The following SGCD variants were observed in gnomAD, a reference collection of about 807,000 sequenced individuals.
SGCD encodes the protein sarcoglycan delta.
A neutral mutation model predicts 36.6 loss-of-function variants in SGCD; 18 were observed. The observed-to-expected ratio is 0.49, with a 90% CI of 0.34 to 0.73. The LOEUF (loss-of-function observed/expected upper bound fraction) is 0.73, where lower values mean the gene tolerates loss of function less well. Among genes scored for constraint, SGCD ranks in the 30% least tolerant of loss-of-function variants. The pLI, the probability that SGCD is intolerant of heterozygous loss-of-function variation, is 0.01. For synonymous variants in SGCD, 133 were observed against 130.6 expected (o/e 1.02, Z -0.12); for missense variants, 387 against 346.7 (o/e 1.12, Z -0.92).
At chr5:155,923,279 G>A (rs1756927089) in intron 1 of SGCD, among the ~76,000 whole-genome samples, 2 of 152,084 alleles carry the variant, frequency 1.3e-5, no homozygotes, top group South Asian at 4.2e-4. Flanking sequence ...CATATATTGG[G>A]GGTATATGCT....
At chr5:156,342,303 A>G (rs1184285888) in intron 2 of SGCD, among the ~76,000 whole-genome samples, 6 of 152,222 alleles carry the variant, frequency 3.9e-5, no homozygotes. Flanking sequence ...TTATTTGTAA[A>G]GAATTTCTCA....
At chr5:155,802,890 T>A in the SGCD span, among the ~76,000 whole-genome samples, 1 of 152,188 alleles carries the variant, frequency 6.6e-6, no homozygotes. Flanking sequence ...ATCTGAGGAA[T>A]CAGTCTCCTT....
chr5:156,493,866 A>G (rs1288753544), intron 3 of SGCD, among the ~76,000 whole-genome samples: 5 of 152,076 alleles, frequency 3.3e-5, no homozygotes, highest in Admixed American at 3.3e-4. Context: ...GGAAATGTCT[A>G]AGACAAATTT....
intron 1 of SGCD, among the ~76,000 whole-genome samples, chr5:155,908,131 A>G (rs1440282203): frequency 1.3e-5 from 2 of 152,300 alleles, no homozygotes; most frequent in East Asian, 3.9e-4. Flanking sequence ...TTTTTAATTA[A>G]CATGTACATA....
rs188752051 is a variant in SGCD at position 156,687,751 on chromosome 5, C to A, written c.575+40215C>A. On this transcript the variant is annotated intron_variant, in intron 7 of 8. Coordinates refer to ENST00000337851, the MANE Select transcript of SGCD (RefSeq NM_000337.6). The stretch of plus-strand genomic sequence containing the variant: ...TATGAACCCAATGCTGGTTGCAGCA[C>A]AAGAAAAACATGCCATTTACTTAGT... Among the ~76,000 whole-genome samples the A allele has an allele frequency of 7.2e-4, 110 of 152,298 alleles. 3 individuals are homozygous for A. The East Asian group carries it at 0.019, about 26-fold the overall frequency.
At chr5:155,973,103 A>C (rs1165394490) in intron 1 of SGCD, among the ~76,000 whole-genome samples, 1 of 152,164 alleles carries the variant, frequency 6.6e-6, no homozygotes, top group African/African-American at 2.4e-5. Context: ...CAAGGCAAAG[A>C]ATGTCCGAAA....
chr5:156,662,866 C>T (rs368184437), intron 7 of SGCD, among the ~76,000 whole-genome samples: 3,590 of 106,254 alleles, frequency 0.034, no homozygotes, highest in Middle Eastern at 0.069. Flanking sequence ...AAATGTAAAG[C>T]CTCCAGTTTT....
intron 3 of SGCD, among the ~76,000 whole-genome samples, chr5:156,238,606 G>A (rs558451550): frequency 2.8e-4 from 42 of 152,274 alleles, no homozygotes; most frequent in Middle Eastern, 6.8e-3. Flanking sequence ...ATTTTTAATT[G>A]AATTTTAATC....
chr5:156,539,857 G>T (rs1197651743), intron 4 of SGCD, among the ~76,000 whole-genome samples: 3 of 152,134 alleles, frequency 2.0e-5, no homozygotes, highest in Non-Finnish European at 2.9e-5. Context: ...AACAGGATAT[G>T]TTGGAAAAAC....
At position 156,160,633 on chromosome 5, in the gene SGCD, A is replaced by G. The variant is rs746020427; in HGVS notation, c.-44+36614A>G. 1.1e-4 allele frequency among the ~76,000 whole-genome samples: 16 copies of G among 151,738 alleles called. 1 individual carries two copies. The highest frequency in any genetic ancestry group is 2.1e-4 in the Non-Finnish European group (14 of 68,016). ...ATTTTGAGGAAGAAATTGCACATAT[A>G]TTCTTGATTTCAATATTTAGCCCTC... On this transcript the variant is annotated intron_variant, in intron 3 of 9. Transcript: ENST00000517913.
At chr5:156,358,023 C>G (rs1561642788) in intron 3 of SGCD, among the ~76,000 whole-genome samples, 1 of 152,176 alleles carries the variant, frequency 6.6e-6, no homozygotes, top group Non-Finnish European at 1.5e-5. Context: ...AGCTAATCAT[C>G]CAGTTTGGAT....
chr5:155,735,855 A>C, the SGCD span, among the ~76,000 whole-genome samples: 6 of 152,164 alleles, frequency 3.9e-5, no homozygotes, highest in African/African-American at 7.2e-5. Flanking sequence ...CAAACAAGAA[A>C]ATGTGTCTGG....
chr5:156,211,607 CAA>C (rs75891963), intron 3 of SGCD, among the ~76,000 whole-genome samples: 15 of 57,386 alleles, frequency 2.6e-4, no homozygotes, highest in Admixed American at 1.0e-3. Flanking sequence ...GACTCAGACT[CAA>C]AAAAAAAAAA....
chr5:156,736,512 AGTCTGTGT>A (rs1408608101), intron 7 of SGCD, among the ~76,000 whole-genome samples: 14 of 152,186 alleles, frequency 9.2e-5, no homozygotes, highest in Admixed American at 2.0e-4. Context: ...CCTTTTAGTG[AGTCTGTGT>A]GTCTGTGTCC....
At chr5:155,897,798 A>C (rs778632199) in intron 1 of SGCD, among the ~76,000 whole-genome samples, 1 of 152,188 alleles carries the variant, frequency 6.6e-6, no homozygotes, top group Non-Finnish European at 1.5e-5. Context: ...TTCTATTATA[A>C]TCTTAAAATG....
chr5:156,272,857 A>T (rs1371803517), intron 3 of SGCD, among the ~76,000 whole-genome samples: 5 of 152,176 alleles, frequency 3.3e-5, no homozygotes, highest in Non-Finnish European at 7.4e-5. Flanking sequence ...ACACATCGCC[A>T]CACTCATTTG....
chr5:156,070,116 C>G (rs1028532226), intron 1 of SGCD, among the ~76,000 whole-genome samples: 5 of 149,046 alleles, frequency 3.4e-5, no homozygotes, highest in African/African-American at 1.3e-4. Flanking sequence ...ATTGGATACC[C>G]TTTATTTCCT....
At chr5:156,717,408 T>G (rs1755275972) in intron 7 of SGCD, among the ~76,000 whole-genome samples, 1 of 152,208 alleles carries the variant, frequency 6.6e-6, no homozygotes, top group African/African-American at 2.4e-5. Flanking sequence ...CATGCCTTGG[T>G]GGTCTTGTAC....
At chr5:156,409,555 C>G (rs186292043) in intron 3 of SGCD, among the ~76,000 whole-genome samples, 6 of 152,296 alleles carry the variant, frequency 3.9e-5, no homozygotes, top group Middle Eastern at 3.4e-3. Flanking sequence ...GTGTTTCCTT[C>G]CCTTCTCTCG....
Sources: allele counts gnomAD v4.1 joint callset (sites outside exome capture counted in the v4.1 genomes callset), GRCh38; gene constraint gnomAD v4.1.1; transcripts MANE v1.5; gene names NCBI Gene and HGNC (gene_info 2026-07-23, HGNC 2026-07-21).